THSD7B: variants seen among roughly 807,000 people sequenced by gnomAD.
THSD7B encodes the protein thrombospondin type 1 domain containing 7B.
In THSD7B, 138 loss-of-function variants were observed where a neutral mutation model predicts 213.6. That is an observed-to-expected ratio of 0.65 (90% CI 0.56 to 0.74). The LOEUF is 0.74. THSD7B is among the 30% of genes least tolerant of loss of function. The probability of loss-of-function intolerance (pLI) is 0.00; values close to 1 mark genes in which losing one functional copy is unlikely to be tolerated. For missense variants in THSD7B, 1,931 were observed against 1,991.5 expected, an observed-to-expected ratio of 0.97 and a Z score of 0.58; for synonymous variants, 742 against 687.0, an observed-to-expected ratio of 1.08 and a Z score of -1.25.
intron 1 of THSD7B, among the ~76,000 whole-genome samples, chr2:136,800,772 CAG>C (rs146528799): frequency 8.9e-3 from 1,300 of 145,958 alleles, no homozygotes; most frequent in Admixed American, 9.9e-3. Flanking sequence ...AATGGTAAGG[CAG>C]AGAGAGAGAG....
At chr2:136,841,663 A>C (rs1682923757) in intron 1 of THSD7B, among the ~76,000 whole-genome samples, 1 of 151,932 alleles carries the variant, frequency 6.6e-6, no homozygotes, top group South Asian at 2.1e-4. Context: ...GAATAGGAGA[A>C]ATTATTGTTC....
chr2:137,615,286 C>A (rs926959433), intron 17 of THSD7B, among the ~76,000 whole-genome samples: 3 of 152,122 alleles, frequency 2.0e-5, no homozygotes, highest in African/African-American at 7.2e-5. Flanking sequence ...ACAGAATTTC[C>A]TAAGCATGAG....
chr2:137,605,480 G>A (rs1368927710), intron 17 of THSD7B, among the ~76,000 whole-genome samples: 2 of 151,940 alleles, frequency 1.3e-5, no homozygotes, highest in African/African-American at 4.8e-5. Context: ...TACCTGCTAT[G>A]TAACAGGTAT....
chr2:137,324,570 G>A (rs192323146), intron 12 of THSD7B, among the ~76,000 whole-genome samples: 13 of 152,210 alleles, frequency 8.5e-5, no homozygotes, highest in Non-Finnish European at 1.8e-4. Flanking sequence ...AGTTAAAGGG[G>A]TATAAATTAC....
chr2:136,841,930 T>C (rs1013542808), intron 1 of THSD7B, among the ~76,000 whole-genome samples: 8 of 152,178 alleles, frequency 5.3e-5, no homozygotes, highest in Non-Finnish European at 1.2e-4. Context: ...TGCAGCTGTA[T>C]GTATCCTGAC....
chr2:137,627,074 C>T (rs376085411), intron 20 of THSD7B, among the ~76,000 whole-genome samples: 59 of 152,058 alleles, frequency 3.9e-4, no homozygotes, highest in Non-Finnish European at 6.0e-4. Context: ...TGACAGAAAG[C>T]GGAAGGGGAG....
intron 7 of THSD7B, among the ~76,000 whole-genome samples, chr2:137,210,412 G>A (rs1002705503): frequency 4.6e-5 from 7 of 152,046 alleles, no homozygotes; most frequent in Non-Finnish European, 8.8e-5. Flanking sequence ...GGGAAAAGAA[G>A]TATTCTATAA....
At position 137,563,447 on chromosome 2, in the gene THSD7B, T is replaced by C. The variant is rs192852275; in HGVS notation, c.3272+93T>C. The C allele has an allele frequency of 3.7e-5, 54 of 1,471,618 alleles. No individual in the cohort carries two copies. The East Asian group carries it at 1.2e-3, about 32-fold the overall frequency. The allele number at this position is 1,471,618 out of a possible 1,614,324, so 91.2% of individuals were successfully genotyped here. A position where few individuals can be genotyped will look rare whatever the true frequency, so the allele number is the denominator to read the frequency against. The stretch of plus-strand genomic sequence containing the variant: ...CAGTGATGTTTATCCAAGTACACTC[T>C]GATTTTCATAACATATACTCTGGTT... On this transcript the variant is annotated intron_variant, in intron 16 of 27. Coordinates refer to ENST00000409968, the MANE Select transcript of THSD7B (RefSeq NM_001316349.2).
intron 10 of THSD7B, among the ~76,000 whole-genome samples, chr2:137,248,469 A>G (rs1259264190): frequency 6.6e-6 from 1 of 152,188 alleles, no homozygotes; most frequent in Non-Finnish European, 1.5e-5. Flanking sequence ...TAATGCTTAA[A>G]GATTTTGCTT....
Position 137,370,902 on chromosome 2 carries a change from G to T in THSD7B, c.2501-34711G>T, listed in dbSNP as rs139224507. ...TTTATATTAGTATAGCTATATACACGTTTTTGAAAGGCTTACCATGGGTAA... is the reference window on the plus strand; with the variant it reads ...TTTATATTAGTATAGCTATATACACTTTTTTGAAAGGCTTACCATGGGTAA... On this transcript the variant is annotated intron_variant, in intron 12 of 27. Transcript: ENST00000409968. Among the ~76,000 whole-genome samples the T allele has an allele frequency of 6.4e-3, 969 of 151,530 alleles. 8 individuals carry two copies. The highest frequency in any genetic ancestry group is 0.022 in the African/African-American group (917 of 41,308).
chr2:136,801,001 C>T (rs1682168400), intron 1 of THSD7B, among the ~76,000 whole-genome samples: 1 of 152,020 alleles, frequency 6.6e-6, no homozygotes, highest in Non-Finnish European at 1.5e-5. Context: ...CATGACTTTG[C>T]CAGGTAGACC....
At chr2:136,886,134 G>GT (rs1683712254) in intron 2 of THSD7B, among the ~76,000 whole-genome samples, 1 of 152,128 alleles carries the variant, frequency 6.6e-6, no homozygotes, top group Non-Finnish European at 1.5e-5. Flanking sequence ...ACATGGGGAG[G>GT]GTGATGGGAG....
intron 17 of THSD7B, among the ~76,000 whole-genome samples, chr2:137,578,880 T>C (rs1388902081): frequency 1.3e-5 from 2 of 152,112 alleles, no homozygotes; most frequent in African/African-American, 2.4e-5. Context: ...AAAAAAAGAA[T>C]GGAAAAGAAA....
chr2:137,311,604 C>G (rs534662839), intron 12 of THSD7B, among the ~76,000 whole-genome samples: 12 of 152,194 alleles, frequency 7.9e-5, no homozygotes, highest in African/African-American at 2.9e-4. Context: ...GGGAATACTT[C>G]CAGTTTTTGC....
At chr2:136,905,656 C>T (rs925583483) in intron 2 of THSD7B, among the ~76,000 whole-genome samples, 25 of 152,154 alleles carry the variant, frequency 1.6e-4, no homozygotes, top group Non-Finnish European at 2.9e-5. Flanking sequence ...CTATCTAATA[C>T]AATACTGCCT....
At chr2:137,500,686 T>A (rs1055408401) in intron 15 of THSD7B, among the ~76,000 whole-genome samples, 5 of 152,242 alleles carry the variant, frequency 3.3e-5, no homozygotes, top group Non-Finnish European at 5.9e-5. Flanking sequence ...TGAAATGATA[T>A]GTGTGTAGCT....
intron 15 of THSD7B, among the ~76,000 whole-genome samples, chr2:137,551,023 A>ATAAG (rs1680836918): frequency 1.3e-5 from 2 of 151,790 alleles, no homozygotes; most frequent in Admixed American, 6.6e-5. Context: ...AAATAAATAA[A>ATAAG]TAATAAAAAA....
In THSD7B at chr2:136,882,202, A is replaced by G; in HGVS notation, c.24A>G (p.Thr8=). Residue 8 remains threonine (T), a synonymous_variant, in exon 2 of 28, where the codon ACA becomes ACG. Coordinates refer to ENST00000409968, the MANE Select transcript of THSD7B (RefSeq NM_001316349.2). The part of the protein sequence containing the change: MFPKSNL[T]VTCWVWRSMR... ...GCATGTTTCCAAAGAGCAACCTAAC[A>G]GTCACTTGCTGGGTATGGAGGAGCA... 1 of 1,537,200 alleles carries G rather than the reference A, an allele frequency of 6.5e-7. No individual in the cohort carries two copies. Among genetic ancestry groups the G allele is most frequent in the Non-Finnish European group, 8.8e-7 (1 of 1,141,422 alleles).
intron 5 of THSD7B, among the ~76,000 whole-genome samples, chr2:137,148,336 G>A (rs142272318): frequency 6.6e-6 from 1 of 152,166 alleles, no homozygotes; most frequent in East Asian, 1.9e-4. Flanking sequence ...CCCAGTCTCG[G>A]GTATTTCTTC....
Sources: gnomAD v4.1 joint callset for allele counts (sites outside exome capture counted in the v4.1 genomes callset) on GRCh38, gnomAD v4.1.1 for gene constraint, MANE v1.5 for transcripts, NCBI Gene and HGNC (gene_info 2026-07-23, HGNC 2026-07-21) for gene names.